Variants in SPMIP6 observed in about 807,000 individuals in gnomAD.
SPMIP6 encodes the protein sperm microtubule inner protein 6.
the SPMIP6 span, chr9:34,379,758 T>C: frequency 1.9e-6 from 3 of 1,586,800 alleles, no homozygotes; most frequent in African/African-American, 1.3e-5. The surrounding 1 kb of genome is among the most constrained non-coding windows in gnomAD (Gnocchi z 4.2). Context: ...GCCGCGAGCA[T>C]GGAGGGGTTG....
the SPMIP6 span, among the ~76,000 whole-genome samples, chr9:34,392,925 C>T: frequency 4.1e-4 from 63 of 152,342 alleles, no homozygotes; most frequent in Admixed American, 6.5e-4. This position sits in a 1 kb window ranked among gnomAD's most constrained non-coding sequence, Gnocchi z 4.6. Context: ...TAGCCAAATG[C>T]TGCTCTATGG....
At chr9:34,384,717 G>T in the SPMIP6 span, among the ~76,000 whole-genome samples, 2 of 152,190 alleles carry the variant, frequency 1.3e-5, no homozygotes, top group East Asian at 3.8e-4. Context: ...CTGTGAATAA[G>T]ACCAGACTCG....
the SPMIP6 span, chr9:34,389,998 T>C: frequency 2.0e-5 from 3 of 151,878 alleles, no homozygotes; most frequent in Non-Finnish European, 4.4e-5. Flanking sequence ...AGGAGTTTGA[T>C]CTGTAACTGA....
the SPMIP6 span, chr9:34,381,154 C>T: frequency 3.2e-6 from 5 of 1,563,534 alleles, no homozygotes; most frequent in Admixed American, 3.7e-5. The surrounding 1 kb of genome is among the most constrained non-coding windows in gnomAD (Gnocchi z 4.4). Context: ...GTCCCCAGCG[C>T]AGGAGACCCA....
chr9:34,390,110 T>C, the SPMIP6 span: 2 of 152,164 alleles, frequency 1.3e-5, no homozygotes, highest in Non-Finnish European at 2.9e-5. Context: ...GTTTTGTTTT[T>C]TTCCTTTCCA....
chr9:34,381,363 CT>C, the SPMIP6 span: 1 of 1,614,178 alleles, frequency 6.2e-7, no homozygotes, highest in Non-Finnish European at 8.5e-7. The surrounding 1 kb of genome is among the most constrained non-coding windows in gnomAD (Gnocchi z 4.4). Context: ...CACTACCACT[CT>C]TTACCGTAGG....
chr9:34,382,814 C>G, the SPMIP6 span: 1 of 1,614,162 alleles, frequency 6.2e-7, no homozygotes, highest in South Asian at 1.1e-5. Flanking sequence ...TGTAAGGTTC[C>G]ATCCTCCATG....
chr9:34,393,853 T>C, the SPMIP6 span, among the ~76,000 whole-genome samples: 5 of 152,218 alleles, frequency 3.3e-5, no homozygotes, highest in African/African-American at 1.2e-4. Context: ...TTGACTCTAC[T>C]CTTTAATCCA....
chr9:34,390,508 T>G, the SPMIP6 span, among the ~76,000 whole-genome samples: 2 of 152,212 alleles, frequency 1.3e-5, no homozygotes, highest in Non-Finnish European at 2.9e-5. Flanking sequence ...AATCTGTTAA[T>G]GTGATGAATG....
chr9:34,391,754 CTGTTTA>C, the SPMIP6 span, among the ~76,000 whole-genome samples: 14 of 152,072 alleles, frequency 9.2e-5, no homozygotes, highest in African/African-American at 3.4e-4. Context: ...TCTTAGAATT[CTGTTTA>C]TGTTTGTTTT....
chr9:34,391,998 CTTTATT>C, the SPMIP6 span, among the ~76,000 whole-genome samples: 1 of 151,940 alleles, frequency 6.6e-6, no homozygotes, highest in Non-Finnish European at 1.5e-5. Flanking sequence ...TCTGGTAATT[CTTTATT>C]TTTATTTTTA....
At chr9:34,383,995 G>A in the SPMIP6 span, among the ~76,000 whole-genome samples, 1 of 152,122 alleles carries the variant, frequency 6.6e-6, no homozygotes, top group East Asian at 1.9e-4. Flanking sequence ...GTCTGCCTTA[G>A]CCCCCAGTCA....
chr9:34,387,240 A>G, the SPMIP6 span, among the ~76,000 whole-genome samples: 1 of 151,946 alleles, frequency 6.6e-6, no homozygotes, highest in Non-Finnish European at 1.5e-5. Context: ...GACTCAAGGG[A>G]TCTTCCCACC....
chr9:34,383,161 C>G, the SPMIP6 span, among the ~76,000 whole-genome samples: 19 of 152,324 alleles, frequency 1.2e-4, no homozygotes, highest in African/African-American at 4.1e-4. Context: ...GGAGCCTCTT[C>G]CCAATTCCTC....
the SPMIP6 span, among the ~76,000 whole-genome samples, chr9:34,385,480 G>A: frequency 2.1e-5 from 3 of 140,036 alleles, no homozygotes; most frequent in African/African-American, 8.0e-5. Flanking sequence ...GGGTTGCAGT[G>A]AGCCGAGATC....
the SPMIP6 span, among the ~76,000 whole-genome samples, chr9:34,389,075 G>T: frequency 6.6e-6 from 1 of 151,762 alleles, no homozygotes; most frequent in Non-Finnish European, 1.5e-5. Flanking sequence ...GGGACTACAG[G>T]TGCACACCAC....
At chr9:34,396,429 C>T in the SPMIP6 span, among the ~76,000 whole-genome samples, 24 of 152,204 alleles carry the variant, frequency 1.6e-4, no homozygotes, top group Non-Finnish European at 3.1e-4. Flanking sequence ...CGCTGGCCTT[C>T]CTGCCCTCAA....
the SPMIP6 span, chr9:34,380,567 G>A: frequency 3.0e-6 from 4 of 1,340,350 alleles, no homozygotes; most frequent in Non-Finnish European, 3.9e-6. Context: ...GGGGGAAGAG[G>A]ATGCGACTGA....
the SPMIP6 span, chr9:34,381,824 C>A: frequency 1.0e-6 from 1 of 964,358 alleles, no homozygotes; most frequent in Non-Finnish European, 1.2e-6. This position sits in a 1 kb window ranked among gnomAD's most constrained non-coding sequence, Gnocchi z 4.4. Flanking sequence ...AGATTCGATT[C>A]TTGAGGAAGT....
Sources: gnomAD v4.1 joint callset for allele counts (sites outside exome capture counted in the v4.1 genomes callset) on GRCh38, gnomAD v4.1.1 for gene constraint, Gnocchi (gnomAD v3.1) non-coding constraint, MANE v1.5 for transcripts, NCBI Gene and HGNC (gene_info 2026-07-23, HGNC 2026-07-21) for gene names.